Variants in DYNLT2 observed in about 807,000 individuals in gnomAD.
The protein encoded by DYNLT2 is dynein light chain Tctex-type 2, also known as dynein light chain Tctex-type protein 2.
Under a neutral mutation model 24.3 loss-of-function variants are expected in DYNLT2, and 24 were observed. The observed-to-expected ratio is 0.99, with a 90% confidence interval of 0.71 to 1.39. DYNLT2 has a LOEUF of 1.39. DYNLT2 is among the 40% of genes most tolerant of loss of function. The pLI is 0.00. For synonymous variants in DYNLT2, 85 were observed against 85.4 expected (o/e 1.00, Z 0.03); for missense variants, 246 against 234.5 (o/e 1.05, Z -0.32).
At chr6:169,743,726 C>T (rs945902579) in intron 2 of DYNLT2, among the ~76,000 whole-genome samples, 17 of 152,150 alleles carry the variant, frequency 1.1e-4, no homozygotes, top group Admixed American at 5.2e-4. Context: ...CCCCTCTAGT[C>T]TCTCACTCCA....
intron 1 of DYNLT2, 93 bp downstream of exon 1, chr6:169,751,246 G>A (rs556053903): frequency 5.9e-4 from 895 of 1,513,836 alleles, no homozygotes; most frequent in Non-Finnish European, 7.8e-4. Context: ...CTTGGCTCTG[G>A]GGGTGGTGAC....
the DYNLT2 span, among the ~76,000 whole-genome samples, chr6:169,726,930 G>A: frequency 6.6e-6 from 1 of 152,096 alleles, no homozygotes; most frequent in Non-Finnish European, 1.5e-5. Flanking sequence ...GCAGATATAC[G>A]TGAAAATAAG....
the DYNLT2 span, among the ~76,000 whole-genome samples, chr6:169,727,651 C>T: frequency 1.3e-5 from 2 of 152,112 alleles, no homozygotes; most frequent in East Asian, 3.9e-4. Context: ...GCAAGCTCCA[C>T]CTCCTGGGTT....
In DYNLT2 at chr6:169,744,109, G is replaced by C. The variant is rs766936738; in HGVS notation, c.286C>G (p.Gln96Glu). 6.2e-7 allele frequency: 1 copy of C among 1,612,852 alleles called. No homozygotes were observed. Among genetic ancestry groups the C allele is most frequent in the South Asian group, 1.1e-5 (1 of 91,074 alleles). Residue 96 changes from glutamine to glutamate, a missense_variant, in exon 2 of 4, where the codon CAA becomes GAA. By Grantham distance (29) the Gln-to-Glu change is conservative (BLOSUM62 2). Coordinates refer to ENST00000366774, the MANE Select transcript of DYNLT2 (RefSeq NM_174910.3). ...ACTTTAGTTTCTACTGAATGAGCTT[G>C]GAATTTCTTCAATGGCTCCATTCTA... ...SYRMEPLKKFQAHSVETKVQQ... is the reference protein window; with the variant it reads ...SYRMEPLKKFEAHSVETKVQQ...
chr6:169,740,451 G>A (rs1789653338), intron 3 of DYNLT2, among the ~76,000 whole-genome samples, 156 bp from the exon 4 acceptor site: 1 of 152,222 alleles, frequency 6.6e-6, no homozygotes, highest in South Asian at 2.1e-4. Flanking sequence ...AAAGAGCCTG[G>A]AGAATGACGC....
chr6:169,744,215 C>T lies in DYNLT2; in HGVS notation c.180G>A (p.Glu60=). 2 of 1,613,782 alleles carry T rather than the reference C, an allele frequency of 1.2e-6. No individual in the cohort carries two copies. Among genetic ancestry groups the T allele is most frequent in the African/African-American group, 2.7e-5 (2 of 75,030 alleles). ...RESIHNVQYV[E]PPFDDSIADI... is the part of the protein sequence containing the mutation. The stretch of plus-strand genomic sequence containing the variant: ...CAGCAATTGAGTCATCAAAAGGAGG[C>T]TCCACATACTGAACATTGTGAATTG... Residue 60 remains glutamate (E), a synonymous_variant, in exon 2 of 4, where the codon GAG becomes GAA. Transcript: ENST00000366774.
intron 1 of DYNLT2, among the ~76,000 whole-genome samples, chr6:169,746,991 T>C (rs1186276383): frequency 1.3e-5 from 2 of 150,292 alleles, no homozygotes; most frequent in Non-Finnish European, 3.0e-5. Flanking sequence ...GACCTCACTT[T>C]TTTCAGTTTG....
chr6:169,749,058 A>G (rs912515542), intron 1 of DYNLT2, among the ~76,000 whole-genome samples: 1 of 152,032 alleles, frequency 6.6e-6, no homozygotes, highest in African/African-American at 2.4e-5. Flanking sequence ...TGGGCAGGAG[A>G]TATTACTTTT....
At chr6:169,745,744 A>T (rs1789782878) in intron 1 of DYNLT2, among the ~76,000 whole-genome samples, 1 of 152,172 alleles carries the variant, frequency 6.6e-6, no homozygotes, top group Non-Finnish European at 1.5e-5. Context: ...CTTTTTTTGT[A>T]GCATCTTTGT....
chr6:169,728,559 T>C, the DYNLT2 span, among the ~76,000 whole-genome samples: 3 of 152,228 alleles, frequency 2.0e-5, no homozygotes, highest in Non-Finnish European at 2.9e-5. Flanking sequence ...CAAAGTGATC[T>C]TAATAATCAA....
chr6:169,744,086 T>TAA lies in DYNLT2; in HGVS notation c.308_309insTT (p.Lys103AsnfsTer2). The TAA allele has an allele frequency of 6.2e-7, 1 of 1,612,402 alleles. No homozygotes were observed. Among genetic ancestry groups the TAA allele is most frequent in the South Asian group, 1.1e-5 (1 of 91,062 alleles). On this transcript the variant is annotated frameshift_variant, in exon 2 of 4. Transcript: ENST00000366774. LOFTEE classifies it high-confidence loss of function. ...AACCTACTGTTAGTATCTGCTGGAC[T>TAA]TTAGTTTCTACTGAATGAGCTTGGA...
chr6:169,751,249 G>A (rs1163928352), intron 1 of DYNLT2, 90 bp downstream of exon 1: 6 of 1,516,916 alleles, frequency 4.0e-6, no homozygotes, highest in African/African-American at 1.4e-5. Context: ...GGCTCTGGGG[G>A]TGGTGACGGG....
chr6:169,734,892 A>C, the DYNLT2 span, among the ~76,000 whole-genome samples: 1 of 152,154 alleles, frequency 6.6e-6, no homozygotes, highest in Non-Finnish European at 1.5e-5. Context: ...TTTCTGGTAG[A>C]ATTCAGCTGT....
the DYNLT2 span, among the ~76,000 whole-genome samples, chr6:169,727,394 A>G: frequency 1.3e-5 from 2 of 152,130 alleles, no homozygotes; most frequent in Non-Finnish European, 2.9e-5. Context: ...ACCATGATTG[A>G]GCAGAGAGAG....
intron 1 of DYNLT2, 102 bp downstream of exon 1, chr6:169,751,237 T>C (rs1790035222): frequency 2.3e-5 from 34 of 1,497,574 alleles, no homozygotes; most frequent in Non-Finnish European, 3.0e-5. Flanking sequence ...TGCTGCCTCC[T>C]TGGCTCTGGG....
chr6:169,735,788 G>A (rs1021291239), downstream of DYNLT2, among the ~76,000 whole-genome samples: 2 of 152,182 alleles, frequency 1.3e-5, no homozygotes, highest in African/African-American at 2.4e-5. Flanking sequence ...GTCTGTAGAC[G>A]TCTACTAGGT....
the DYNLT2 span, among the ~76,000 whole-genome samples, chr6:169,727,980 T>A: frequency 6.6e-6 from 1 of 152,170 alleles, no homozygotes; most frequent in East Asian, 1.9e-4. Flanking sequence ...GAAGGAGGTG[T>A]GTCAGCAGGA....
chr6:169,750,626 C>T (rs1789975692), intron 1 of DYNLT2: 1 of 152,208 alleles, frequency 6.6e-6, no homozygotes, highest in Non-Finnish European at 1.5e-5. Context: ...TACTAGCATA[C>T]AGGTTCTGGT....
chr6:169,751,566 A>G lies in DYNLT2; in HGVS notation c.-108T>C. Reference sequence around the variant, plus strand: ...GTCTCCCACCTGCGCCTCGTACGGTAGGAAGTGCCCGCCAGGGCTCCAAAG... The same window carrying G: ...GTCTCCCACCTGCGCCTCGTACGGTGGGAAGTGCCCGCCAGGGCTCCAAAG... On this transcript the variant is annotated 5_prime_UTR_variant, in exon 1 of 4. Coordinates refer to ENST00000366774, the MANE Select transcript of DYNLT2 (RefSeq NM_174910.3). The G allele has an allele frequency of 1.2e-6, 2 of 1,609,342 alleles. No homozygotes were observed. Among genetic ancestry groups the G allele is most frequent in the Non-Finnish European group, 1.7e-6 (2 of 1,178,166 alleles).
Sources: gnomAD v4.1 joint callset for allele counts (sites outside exome capture counted in the v4.1 genomes callset) on GRCh38, gnomAD v4.1.1 for gene constraint, MANE v1.5 for transcripts, NCBI Gene and HGNC (gene_info 2026-07-23, HGNC 2026-07-21) for gene names.